Variants in SCTR observed in about 807,000 individuals in gnomAD.
SCTR encodes the protein pancreatic secretin receptor.
A neutral mutation model predicts 60.8 loss-of-function variants in SCTR; 56 were observed. That is an observed-to-expected ratio of 0.92 (90% CI 0.74 to 1.15). The LOEUF is 1.15. Ranked by LOEUF, SCTR falls within the 50% of genes most tolerant of loss-of-function variation. SCTR has a pLI of 0.00. For synonymous variants in SCTR, 202 were observed against 217.0 expected, an observed-to-expected ratio of 0.93 and a Z score of 0.61; for missense variants, 562 against 550.4, an observed-to-expected ratio of 1.02 and a Z score of -0.21.
At chr2:119,444,277 A>ATATGAATATATACACATATATACG (rs1558830864) in intron 11 of SCTR, among the ~76,000 whole-genome samples, 67 of 75,966 alleles carry the variant, frequency 8.8e-4, no homozygotes, top group South Asian at 3.1e-4. Flanking sequence ...ACATATATAC[A>ATATGAATATATACACATATATACG]TATGAATATA....
intron 1 of SCTR, among the ~76,000 whole-genome samples, chr2:119,516,556 C>T (rs532990181): frequency 4.6e-5 from 7 of 150,792 alleles, no homozygotes; most frequent in Admixed American, 3.3e-4. Context: ...TTGCCAGGGC[C>T]TGGGAGGGGG....
At chr2:119,446,929 G>C in intron 10 of SCTR, 44 bp from the exon 11 acceptor site, 1 of 1,396,436 alleles carries the variant, frequency 7.2e-7, no homozygotes, top group Non-Finnish European at 9.4e-7. Flanking sequence ...GCCTCCCTGC[G>C]CCCTTTCTCC....
At chr2:119,473,634 G>T (rs1050825188) in intron 3 of SCTR, 78 bp from the exon 4 acceptor site, 29 of 916,826 alleles carry the variant, frequency 3.2e-5, no homozygotes, top group Non-Finnish European at 4.5e-5. Context: ...ATTGTAACAT[G>T]TAGCTGCTAC....
intron 1 of SCTR, among the ~76,000 whole-genome samples, chr2:119,512,851 C>T (rs78566014): frequency 0.014 from 2,158 of 152,308 alleles, 57 homozygotes; most frequent in East Asian, 0.071. Context: ...GCTCAGGCAT[C>T]ATTTTCACAA....
chr2:119,501,598 T>C (rs558741307), intron 1 of SCTR, among the ~76,000 whole-genome samples: 1 of 152,310 alleles, frequency 6.6e-6, no homozygotes, highest in African/African-American at 2.4e-5. Context: ...TAATTTATCA[T>C]ACATTTCAAA....
chr2:119,452,152 C>A, intron 8 of SCTR, 73 bp from the exon 9 acceptor site: 1 of 900,366 alleles, frequency 1.1e-6, no homozygotes, highest in South Asian at 1.4e-5. Flanking sequence ...AGGACATGTT[C>A]CCTGAGGTGG....
intron 1 of SCTR, among the ~76,000 whole-genome samples, chr2:119,514,078 G>C (rs185863147): frequency 6.6e-6 from 1 of 152,346 alleles, no homozygotes; most frequent in African/African-American, 2.4e-5. Context: ...TGGTCCCACT[G>C]TGGTGTATAA....
At chr2:119,500,214 C>T (rs201869542) in intron 1 of SCTR, among the ~76,000 whole-genome samples, 1 of 20,116 alleles carries the variant, frequency 5.0e-5, no homozygotes, top group Non-Finnish European at 1.0e-4. Context: ...CTTAAAAAGA[C>T]AAAAAGTACT....
intron 1 of SCTR, among the ~76,000 whole-genome samples, chr2:119,502,912 G>A (rs1204537212): frequency 6.6e-6 from 1 of 151,640 alleles, no homozygotes; most frequent in Non-Finnish European, 1.5e-5. Flanking sequence ...AGCACTTTGA[G>A]AGACCGAGGC....
chr2:119,450,993 T>G (rs954503030), intron 9 of SCTR, among the ~76,000 whole-genome samples: 2 of 152,168 alleles, frequency 1.3e-5, no homozygotes, highest in Admixed American at 6.5e-5. Flanking sequence ...ACATTTTGTA[T>G]TTTGCATTTT....
intron 3 of SCTR, among the ~76,000 whole-genome samples, chr2:119,474,799 A>C (rs1056543788): frequency 1.3e-5 from 2 of 152,048 alleles, no homozygotes; most frequent in African/African-American, 4.8e-5. Context: ...TGTTCTACCC[A>C]CCCACCGGGC....
intron 7 of SCTR, among the ~76,000 whole-genome samples, chr2:119,461,449 C>T (rs1016688953): frequency 1.3e-5 from 2 of 152,184 alleles, no homozygotes; most frequent in African/African-American, 2.4e-5. Context: ...CGGTGGCTCA[C>T]GCCTGTAATC....
intron 1 of SCTR, among the ~76,000 whole-genome samples, chr2:119,501,408 TA>T (rs1167077655): frequency 4.4e-3 from 596 of 134,842 alleles, no homozygotes; most frequent in Middle Eastern, 7.5e-3. Flanking sequence ...AGACTCCATC[TA>T]AAAAAAAAAA....
intron 6 of SCTR, among the ~76,000 whole-genome samples, chr2:119,463,745 A>T (rs2253878): frequency 0.6 from 90,753 of 151,924 alleles, 28,353 homozygotes; most frequent in Non-Finnish European, 0.69. Flanking sequence ...GCCCATGCTC[A>T]CCCTTTTCTT....
chr2:119,484,707 C>G (rs1394624256), intron 2 of SCTR: 1 of 152,090 alleles, frequency 6.6e-6, no homozygotes, highest in Non-Finnish European at 1.5e-5. Flanking sequence ...TTTCTCTCTC[C>G]TTCCTCCTCA....
At chr2:119,496,100 G>T (rs1006602381) in intron 1 of SCTR, among the ~76,000 whole-genome samples, 1 of 152,138 alleles carries the variant, frequency 6.6e-6, no homozygotes, top group Non-Finnish European at 1.5e-5. Flanking sequence ...GGTTCTTGCC[G>T]AAGCCCATAG....
chr2:119,465,006 C>T (rs2104808046), intron 5 of SCTR, among the ~76,000 whole-genome samples: 1 of 152,300 alleles, frequency 6.6e-6, no homozygotes, highest in African/African-American at 2.4e-5. Flanking sequence ...ACTTGTTCTG[C>T]TTCTTCTGGT....
chr2:119,514,029 G>A (rs192223517), intron 1 of SCTR, among the ~76,000 whole-genome samples: 14 of 152,326 alleles, frequency 9.2e-5, no homozygotes, highest in Non-Finnish European at 1.6e-4. Context: ...TCTCTGCAGG[G>A]TGTATCACCC....
chr2:119,441,712 T>TC (rs1682663583), intron 11 of SCTR, 113 bp from the exon 12 acceptor site: 1 of 884,492 alleles, frequency 1.1e-6, no homozygotes, highest in Non-Finnish European at 1.8e-6. Flanking sequence ...CAGGCTCATT[T>TC]CCCCACCTCT....
Sources: allele counts gnomAD v4.1 joint callset (sites outside exome capture counted in the v4.1 genomes callset), GRCh38; gene constraint gnomAD v4.1.1; transcripts MANE v1.5; gene names NCBI Gene and HGNC (gene_info 2026-07-23, HGNC 2026-07-21).